The following DNA2 variants were observed in gnomAD, a reference collection of about 807,000 sequenced individuals.
DNA2 encodes DNA replication helicase/nuclease 2, also known as DNA replication ATP-dependent helicase/nuclease DNA2.
A neutral mutation model predicts 119.1 loss-of-function variants in DNA2; 101 were observed. The observed-to-expected ratio is 0.85, with a 90% CI of 0.72 to 1.00. The LOEUF is 1.00. Among genes scored for constraint, DNA2 ranks in the 50% least tolerant of loss-of-function variants. DNA2 has a pLI of 0.00. For missense variants in DNA2, 1,121 were observed against 1,255.5 expected (o/e 0.89, Z 1.62); for synonymous variants, 366 against 424.4 (o/e 0.86, Z 1.69).
chr10:68,442,963 T>C lies in DNA2; in HGVS notation c.1369A>G (p.Asn457Asp), dbSNP rs2051989473. The change falls in exon 9 of 21, where the codon AAT (asparagine) becomes GAT (aspartate). Residue 457 changes from asparagine (N) to aspartate (D), a missense_variant. Transcript: ENST00000358410. The part of the protein sequence containing the change: ...MLTLESQSKD[N>D]KKNHQNIWLM... ...CAGATATTTTGGTGATTCTTTTTATTATCCTTCGATTGTGACTCCAGGGTT... is the reference window on the plus strand; with the variant it reads ...CAGATATTTTGGTGATTCTTTTTATCATCCTTCGATTGTGACTCCAGGGTT... The C allele has an allele frequency of 6.2e-7, 1 of 1,612,354 alleles. No homozygotes were observed. Among genetic ancestry groups the C allele is most frequent in the Non-Finnish European group, 8.5e-7 (1 of 1,179,496 alleles).
intron 4 of DNA2, among the ~76,000 whole-genome samples, chr10:68,460,290 G>C (rs1242734244): frequency 6.6e-6 from 1 of 151,876 alleles, no homozygotes; most frequent in Non-Finnish European, 1.5e-5. Flanking sequence ...TGTATTTTCA[G>C]TAGAGATTGG....
At chr10:68,447,128 CTACT>C (rs1277456461) in intron 6 of DNA2, among the ~76,000 whole-genome samples, 3 of 151,988 alleles carry the variant, frequency 2.0e-5, no homozygotes, top group Admixed American at 1.3e-4. Context: ...ACGTATACAC[CTACT>C]AAGTACCCAC....
intron 1 of DNA2, 68 bp from the exon 2 acceptor site, chr10:68,470,231 T>G (rs897569723): frequency 7.5e-7 from 1 of 1,336,110 alleles, no homozygotes; most frequent in African/African-American, 1.5e-5. Context: ...ATATGTTTTA[T>G]CTACAAACCA....
At position 68,430,464 on chromosome 10, in the gene DNA2, G is replaced by T; in HGVS notation, c.2180C>A (p.Ala727Asp). 6.2e-7 allele frequency: 1 copy of T among 1,606,918 alleles called. No homozygotes were observed. ...ACTATTGTAGAGTTCTTCTAGAAGAGCTAAGGATTTAATGGACTTTGATCT... is the reference window on the plus strand; with the variant it reads ...ACTATTGTAGAGTTCTTCTAGAAGATCTAAGGATTTAATGGACTTTGATCT... ...ICRSKSIKSL[A>D]LLEELYNSQL... Residue 727 changes from alanine to aspartate, a missense_variant, in exon 14 of 21, where the codon GCT becomes GAT. Coordinates refer to ENST00000358410, the MANE Select transcript of DNA2 (RefSeq NM_001080449.3).
At chr10:68,469,390 C>CAAAAAAAAAAA (rs71019005) in intron 2 of DNA2, among the ~76,000 whole-genome samples, 3 of 76,032 alleles carry the variant, frequency 3.9e-5, no homozygotes, top group East Asian at 6.3e-4. Context: ...ACTAAAAATA[C>CAAAAAAAAAAA]AAAAAAAAAA....
At chr10:68,424,981 A>T (rs1439808595) in intron 14 of DNA2, 7 of 592,186 alleles carry the variant, frequency 1.2e-5, no homozygotes, top group Non-Finnish European at 1.3e-5. Flanking sequence ...GAACTTATTG[A>T]GAAAATGCAG....
At chr10:68,439,920 G>A (rs1314192647) in intron 9 of DNA2, among the ~76,000 whole-genome samples, 3 of 151,368 alleles carry the variant, frequency 2.0e-5, no homozygotes, top group African/African-American at 4.9e-5. Context: ...CAGGAGAATC[G>A]CTTGAACCCG....
intron 4 of DNA2, among the ~76,000 whole-genome samples, chr10:68,461,203 T>G (rs981526300): frequency 9.9e-5 from 15 of 152,144 alleles, no homozygotes; most frequent in African/African-American, 3.6e-4. Flanking sequence ...AAGTCTCAAT[T>G]TTTCAGGGTT....
intron 2 of DNA2, among the ~76,000 whole-genome samples, chr10:68,468,831 C>G (rs2052354325): frequency 6.6e-6 from 1 of 151,136 alleles, no homozygotes; most frequent in South Asian, 2.1e-4. Context: ...CAGGTGGATT[C>G]CTGAAGTCAG....
intron 10 of DNA2, among the ~76,000 whole-genome samples, chr10:68,432,814 GAATGCATGGCTCTTCCTTCCTC>G (rs1467540700): frequency 6.6e-6 from 1 of 152,152 alleles, no homozygotes; most frequent in Non-Finnish European, 1.5e-5. Context: ...GAGGGATCCT[GAATGCATGGCTCTTCCTTCCTC>G]TAACCTGGAG....
intron 9 of DNA2, 148 bp downstream of exon 9, chr10:68,442,769 A>G: frequency 1.5e-6 from 1 of 656,274 alleles, no homozygotes; most frequent in African/African-American, 1.8e-5. Context: ...CTTAGAAACA[A>G]TAGAGAGCCA....
intron 4 of DNA2, chr10:68,461,290 T>C (rs1254460985): frequency 6.6e-6 from 1 of 152,222 alleles, no homozygotes; most frequent in Admixed American, 6.5e-5. Context: ...TACAGTTGAA[T>C]TTTCTGAGGG....
intron 20 of DNA2, 82 bp downstream of exon 20, chr10:68,416,627 G>C: frequency 7.1e-7 from 1 of 1,401,532 alleles, no homozygotes; most frequent in East Asian, 2.3e-5. Flanking sequence ...AAGCAACATA[G>C]TGAGAGCTTT....
intron 14 of DNA2, chr10:68,424,898 G>C (rs1230363423): frequency 4.2e-6 from 3 of 717,356 alleles, no homozygotes; most frequent in Non-Finnish European, 7.8e-6. Flanking sequence ...ATCTCAACAA[G>C]GATCGGAAAA....
At chr10:68,465,245 C>T (rs2052313530) in intron 4 of DNA2, among the ~76,000 whole-genome samples, 1 of 10,494 alleles carries the variant, frequency 9.5e-5, no homozygotes, top group South Asian at 1.3e-3. Context: ...GTCTCGATTT[C>T]CTGACTTCTG....
chr10:68,461,828 CAAAAAAAAAAAA>C (rs554059657), intron 4 of DNA2, among the ~76,000 whole-genome samples: 4 of 70,296 alleles, frequency 5.7e-5, no homozygotes, highest in East Asian at 7.0e-4. Flanking sequence ...AACTCCGTCT[CAAAAAAAAAAAA>C]AAAAAAAAAA....
chr10:68,445,649 C>CTA (rs2052029070), intron 7 of DNA2, among the ~76,000 whole-genome samples: 1 of 151,862 alleles, frequency 6.6e-6, no homozygotes, highest in South Asian at 2.1e-4. Flanking sequence ...ATTCTTTAAA[C>CTA]TATATATTTC....
chr10:68,443,285 C>G lies in DNA2; in HGVS notation c.1221-174G>C, dbSNP rs541547850. Among the ~76,000 whole-genome samples the G allele has an allele frequency of 6.6e-5, 10 of 152,286 alleles. No individual in the cohort carries two copies. In the South Asian group the frequency reaches 1.0e-3, roughly 16 times the overall value. ...ATAAGCCATATGGCTTTTTATAAAA[C>G]CAAATGTGTGAGAAACTCAATACTG... On this transcript the variant is annotated intron_variant, in intron 8 of 20. Transcript: ENST00000358410.
At chr10:68,423,709 G>A (rs117070599) in intron 14 of DNA2, among the ~76,000 whole-genome samples, 2,128 of 152,256 alleles carry the variant, frequency 0.014, 19 homozygotes, top group Non-Finnish European at 0.019. Context: ...TTTCATCCCC[G>A]ATGACTGGTA....
Sources: gnomAD v4.1 joint callset for allele counts (sites outside exome capture counted in the v4.1 genomes callset) on GRCh38, gnomAD v4.1.1 for gene constraint, MANE v1.5 for transcripts, NCBI Gene and HGNC (gene_info 2026-07-23, HGNC 2026-07-21) for gene names.